Variants in QKI observed in about 807,000 individuals in gnomAD.
The protein encoded by QKI is QKI, KH domain containing RNA binding, also known as KH domain-containing RNA-binding protein QKI.
A neutral mutation model predicts 39.0 loss-of-function variants in QKI; 10 were observed. That is an observed-to-expected ratio of 0.26 (90% CI 0.16 to 0.43). The LOEUF is 0.43. Among genes scored for constraint, QKI ranks in the 20% least tolerant of loss-of-function variants. The probability of loss-of-function intolerance (pLI) is 1.00; values close to 1 mark genes in which losing one functional copy is unlikely to be tolerated. For synonymous variants in QKI, 204 were observed against 155.4 expected (o/e 1.31, Z -2.33); for missense variants, 218 against 428.0 (o/e 0.51, Z 4.33).
At chr6:163,418,300 T>C (rs1429810869) in intron 1 of QKI, among the ~76,000 whole-genome samples, 1 of 152,166 alleles carries the variant, frequency 6.6e-6, no homozygotes, top group African/African-American at 2.4e-5. Flanking sequence ...TTTAAAAATA[T>C]GCTTGTCAGC....
At chr6:163,566,170 G>A in intron 6 of QKI, 1 of 1,382,542 alleles carries the variant, frequency 7.2e-7, no homozygotes, top group African/African-American at 1.5e-5. Flanking sequence ...ATTTATAAAG[G>A]AGTGTATAGT....
chr6:163,448,335 G>GTT (rs545732473), intron 1 of QKI, among the ~76,000 whole-genome samples: 17 of 137,940 alleles, frequency 1.2e-4, no homozygotes, highest in Admixed American at 1.5e-4. Flanking sequence ...AATAGCTTGG[G>GTT]TTTTTTTTTT....
intron 4 of QKI, among the ~76,000 whole-genome samples, chr6:163,553,071 TTTATTTA>T (rs1782358243): frequency 7.6e-5 from 1 of 13,136 alleles, no homozygotes; most frequent in Non-Finnish European, 1.5e-4. Context: ...TTTTTATTTA[TTTATTTA>T]TTTATTTATT....
intron 2 of QKI, among the ~76,000 whole-genome samples, chr6:163,472,211 C>A (rs1336591382): frequency 1.3e-5 from 2 of 151,816 alleles, no homozygotes; most frequent in East Asian, 1.9e-4. Flanking sequence ...TGTATTCTTA[C>A]AATAAAATAA....
chr6:163,495,740 A>G (rs1373761866), intron 3 of QKI, among the ~76,000 whole-genome samples: 1 of 152,036 alleles, frequency 6.6e-6, no homozygotes, highest in East Asian at 1.9e-4. Context: ...ATTATCTTTT[A>G]TAATTTGTGT....
chr6:163,517,085 C>CTCTT (rs1779868690), intron 3 of QKI, among the ~76,000 whole-genome samples: 2 of 79,906 alleles, frequency 2.5e-5, no homozygotes, highest in Non-Finnish European at 4.9e-5. Flanking sequence ...CTCTCTTTCT[C>CTCTT]TCTCTCTCTC....
At chr6:163,492,733 T>C (rs954781535) in intron 3 of QKI, among the ~76,000 whole-genome samples, 1 of 152,150 alleles carries the variant, frequency 6.6e-6, no homozygotes, top group African/African-American at 2.4e-5. Context: ...TGAATAATAA[T>C]TTGTGTTATC....
intron 2 of QKI, among the ~76,000 whole-genome samples, chr6:163,461,117 G>T (rs190240941): frequency 1.3e-5 from 2 of 152,072 alleles, no homozygotes; most frequent in Non-Finnish European, 2.9e-5. Context: ...CAACTAGATC[G>T]GTTTAGTAAA....
intron 4 of QKI, among the ~76,000 whole-genome samples, chr6:163,553,495 A>G (rs1332298041): frequency 6.6e-6 from 1 of 151,944 alleles, no homozygotes; most frequent in Non-Finnish European, 1.5e-5. Flanking sequence ...CAACCATATC[A>G]TCTAATAATA....
rs147554775 is a variant in QKI at position 163,472,271 on chromosome 6, G to A, written c.286-6509G>A. 3.7e-3 allele frequency among the ~76,000 whole-genome samples: 567 copies of A among 152,212 alleles called. 6 individuals carry two copies. Among genetic ancestry groups the A allele is most frequent in the African/African-American group, 0.012 (512 of 41,540 alleles). On this transcript the variant is annotated intron_variant, in intron 2 of 7. Coordinates refer to ENST00000361752, the MANE Select transcript of QKI (RefSeq NM_006775.3). ...AGAAATCATAAGGAAGAAAAAATACGTTTATTATTCATTAAGTGGAAGTAG... is the reference window on the plus strand; with the variant it reads ...AGAAATCATAAGGAAGAAAAAATACATTTATTATTCATTAAGTGGAAGTAG...
At chr6:163,542,560 A>C (rs1051723328) in intron 4 of QKI, among the ~76,000 whole-genome samples, 2 of 152,218 alleles carry the variant, frequency 1.3e-5, no homozygotes, top group Middle Eastern at 3.4e-3. Flanking sequence ...GTAATACAGA[A>C]ATTAAGTGAT....
At position 163,505,463 on chromosome 6, in the gene QKI, C is replaced by T. The variant is rs188420109; in HGVS notation, c.402+26567C>T. Among the ~76,000 whole-genome samples the T allele has an allele frequency of 4.0e-4, 61 of 152,300 alleles. 1 individual carries two copies. Among genetic ancestry groups the T allele is most frequent in the Middle Eastern group, 3.4e-3 (1 of 294 alleles). ...GAGGGGACTGAACCTTGCAGAGCCA[C>T]GGGGACAGTGCTGCCCAGTGCTGTG... On this transcript the variant is annotated intron_variant, in intron 3 of 7. Coordinates refer to ENST00000361752, the MANE Select transcript of QKI (RefSeq NM_006775.3).
Position 163,569,781 on chromosome 6 carries a change from A to G in QKI, c.1010-913A>G, listed in dbSNP as rs143952629. On this transcript the variant is annotated intron_variant, in intron 7 of 7. Coordinates refer to ENST00000361752, the MANE Select transcript of QKI (RefSeq NM_006775.3). ...TCAGATTTTATTGTATTTGCAGAGT[A>G]TTAGCTTTGAAATTGAATAAAGAAA... 4.1e-5 allele frequency: 40 copies of G among 986,162 alleles called. No individual in the cohort carries two copies. The African/African-American group carries it at 6.5e-4, about 16-fold the overall frequency. The allele number at this position is 986,162 out of a possible 1,614,324, so 61.1% of individuals were successfully genotyped here. A position where few individuals can be genotyped will look rare whatever the true frequency, so the allele number is the denominator to read the frequency against.
intron 7 of QKI, 172 bp downstream of exon 7, chr6:163,566,967 G>T: frequency 7.3e-7 from 1 of 1,373,142 alleles, no homozygotes; most frequent in Non-Finnish European, 9.4e-7. Context: ...TTTTGTTTTG[G>T]TTTGGTTTTT....
chr6:163,487,367 CAT>C (rs1777747946), intron 3 of QKI, among the ~76,000 whole-genome samples: 2 of 152,112 alleles, frequency 1.3e-5, no homozygotes, highest in Admixed American at 1.3e-4. Flanking sequence ...CAAATTCAGA[CAT>C]ATAATTTCAA....
chr6:163,529,212 A>G (rs1034740783), intron 3 of QKI, among the ~76,000 whole-genome samples: 1 of 152,168 alleles, frequency 6.6e-6, no homozygotes, highest in African/African-American at 2.4e-5. Flanking sequence ...AGAAACCAAG[A>G]TACAGGAGCA....
At chr6:163,533,647 A>G (rs1337373956) in intron 3 of QKI, among the ~76,000 whole-genome samples, 1 of 152,188 alleles carries the variant, frequency 6.6e-6, no homozygotes, top group African/African-American at 2.4e-5. Flanking sequence ...ATGTGACCTT[A>G]TGTTGAAACA....
intron 2 of QKI, among the ~76,000 whole-genome samples, chr6:163,471,545 CTTGTAT>C (rs1792183168): frequency 6.6e-6 from 1 of 151,946 alleles, no homozygotes; most frequent in Non-Finnish European, 1.5e-5. Context: ...TTCTGAGGTC[CTTGTAT>C]TTGTATGGGA....
At chr6:163,449,013 T>C (rs1319751981) in intron 1 of QKI, among the ~76,000 whole-genome samples, 3 of 152,162 alleles carry the variant, frequency 2.0e-5, no homozygotes, top group Non-Finnish European at 4.4e-5. Context: ...CAGTTTTAAA[T>C]AGATTACTAA....
Sources: allele counts gnomAD v4.1 joint callset (sites outside exome capture counted in the v4.1 genomes callset), GRCh38; gene constraint gnomAD v4.1.1; transcripts MANE v1.5; gene names NCBI Gene and HGNC (gene_info 2026-07-23, HGNC 2026-07-21).